PPP2R3A: variants seen among roughly 807,000 people sequenced by gnomAD.
PPP2R3A encodes the protein protein phosphatase 2 regulatory subunit B''alpha, also known as serine/threonine-protein phosphatase 2A regulatory subunit B'' subunit alpha.
Under a neutral mutation model 106.9 loss-of-function variants are expected in PPP2R3A, and 80 were observed. The observed-to-expected ratio is 0.75, with a 90% CI of 0.62 to 0.90. The LOEUF (loss-of-function observed/expected upper bound fraction) is 0.90. PPP2R3A is among the 40% of genes least tolerant of loss of function. The pLI is 0.00. For missense variants in PPP2R3A, 1,386 were observed against 1,350.4 expected (o/e 1.03, Z -0.41); for synonymous variants, 483 against 468.3 (o/e 1.03, Z -0.41).
intron 3 of PPP2R3A, among the ~76,000 whole-genome samples, chr3:136,029,078 C>T (rs532015434): frequency 6.6e-6 from 1 of 152,234 alleles, no homozygotes; most frequent in South Asian, 2.1e-4. Flanking sequence ...GTCTCAAACT[C>T]CCGACCTCAG....
chr3:136,087,299 C>CTCTCTCTCT (rs1576493040), intron 8 of PPP2R3A, among the ~76,000 whole-genome samples: 7 of 147,700 alleles, frequency 4.7e-5, no homozygotes, highest in Non-Finnish European at 8.9e-5. Flanking sequence ...CTCTCTCTCT[C>CTCTCTCTCT]ACCAACATGC....
intron 4 of PPP2R3A, 54 bp downstream of exon 4, chr3:136,041,016 T>C (rs1265906755): frequency 3.4e-6 from 5 of 1,460,056 alleles, no homozygotes; most frequent in South Asian, 1.2e-5. Flanking sequence ...GTGACCCTCA[T>C]GACATGCTTT....
At position 136,145,075 on chromosome 3, in the gene PPP2R3A, C is replaced by A; in HGVS notation, c.3362C>A (p.Ser1121Tyr). The A allele has an allele frequency of 6.2e-7, 1 of 1,613,550 alleles. No individual in the cohort carries two copies. The highest frequency in any genetic ancestry group is 1.1e-5 in the South Asian group (1 of 91,014). Residue 1121 changes from serine to tyrosine, a missense_variant, in exon 14 of 14, where the codon TCT becomes TAT. By Grantham distance (144) the Ser-to-Tyr change is moderately radical. Transcript: ENST00000264977. ...GATTATGAAACAGATGAACCTGCCT[C>A]TCCCTCTGAATTTGGAAACAAAAGC... ...FEDYETDEPA[S>Y]PSEFGNKSNK...
rs756912790 is a variant in PPP2R3A, at chr3:136,002,354, G to A, written c.856G>A (p.Ala286Thr). 5 of 1,613,736 alleles carry A rather than the reference G, an allele frequency of 3.1e-6. No homozygotes were observed. The highest frequency in any genetic ancestry group is 1.1e-5 in the South Asian group (1 of 91,046). ...TVYMNVMTRL[A>T]SYLKKLPFEF... is the part of the protein sequence containing the mutation. ...CTATATGAATGTAATGACCAGGTTAGCATCCTATCTGAAAAAGTTACCATT... is the reference window on the plus strand; with the variant it reads ...CTATATGAATGTAATGACCAGGTTAACATCCTATCTGAAAAAGTTACCATT... The change falls in exon 2 of 14, where the codon GCA becomes ACA. Residue 286 changes from alanine to threonine, a missense_variant. Coordinates refer to ENST00000264977, the MANE Select transcript of PPP2R3A (RefSeq NM_002718.5).
chr3:136,117,541 G>C (rs765335030), intron 13 of PPP2R3A, among the ~76,000 whole-genome samples: 1 of 152,086 alleles, frequency 6.6e-6, no homozygotes, highest in Non-Finnish European at 1.5e-5. Context: ...AAATGATAAA[G>C]GGGATATCAC....
intron 5 of PPP2R3A, among the ~76,000 whole-genome samples, chr3:136,067,618 TC>T (rs1411812750): frequency 9.2e-5 from 14 of 152,100 alleles, no homozygotes; most frequent in Non-Finnish European, 1.5e-4. Context: ...CTTCAGAAGT[TC>T]CTCCATGAGT....
At chr3:135,988,749 C>G (rs1318952016) in intron 1 of PPP2R3A, among the ~76,000 whole-genome samples, 1 of 152,168 alleles carries the variant, frequency 6.6e-6, no homozygotes, top group African/African-American at 2.4e-5. Flanking sequence ...CTATGAATTT[C>G]TCTGCTTCCT....
intron 1 of PPP2R3A, among the ~76,000 whole-genome samples, chr3:135,998,307 T>A (rs1576421806): frequency 6.6e-6 from 1 of 152,250 alleles, no homozygotes; most frequent in East Asian, 1.9e-4. Context: ...TTTTCCTGAC[T>A]CCTCAGTCTG....
At position 136,081,423 on chromosome 3, in the gene PPP2R3A, C is replaced by T. The variant is rs140964825; in HGVS notation, c.2632-842C>T. Among the ~76,000 whole-genome samples the T allele has an allele frequency of 3.1e-4, 47 of 151,852 alleles. No individual in the cohort carries two copies. The East Asian group carries it at 8.1e-3, about 26-fold the overall frequency. ...TTTTTAGATGTATCCCTTATAGATGCATATAGGTAGATCTGTTTTGGGGGC... is the reference window on the plus strand; with the variant it reads ...TTTTTAGATGTATCCCTTATAGATGTATATAGGTAGATCTGTTTTGGGGGC... On this transcript the variant is annotated intron_variant, in intron 7 of 13. Coordinates refer to ENST00000264977, the MANE Select transcript of PPP2R3A (RefSeq NM_002718.5).
intron 1 of PPP2R3A, among the ~76,000 whole-genome samples, chr3:135,970,902 G>A (rs754952598): frequency 3.9e-5 from 6 of 152,134 alleles, no homozygotes; most frequent in Non-Finnish European, 7.3e-5. Context: ...TGTTGAAGGG[G>A]CTGACTCAGA....
chr3:136,048,828 T>A (rs1284109215), intron 4 of PPP2R3A, among the ~76,000 whole-genome samples: 1 of 151,994 alleles, frequency 6.6e-6, no homozygotes, highest in Non-Finnish European at 1.5e-5. Flanking sequence ...GCAAATTTGG[T>A]AGAAATGAAA....
intron 13 of PPP2R3A, among the ~76,000 whole-genome samples, chr3:136,114,928 C>T (rs575332356): frequency 1.6e-4 from 24 of 152,280 alleles, no homozygotes; most frequent in African/African-American, 5.8e-4. Context: ...ACGTTTGAGA[C>T]TGCCTCCTCA....
At chr3:136,080,617 G>C (rs1211499212) in intron 7 of PPP2R3A, among the ~76,000 whole-genome samples, 1 of 152,150 alleles carries the variant, frequency 6.6e-6, no homozygotes, top group African/African-American at 2.4e-5. Context: ...AGTAATATGA[G>C]CAAGTTTGGA....
At chr3:136,070,384 G>C (rs1936389895) in intron 5 of PPP2R3A, 94 bp from the exon 6 acceptor site, 1 of 890,448 alleles carries the variant, frequency 1.1e-6, no homozygotes, top group Non-Finnish European at 1.7e-6. Context: ...AAAATAGCAA[G>C]TTTGCTCAAC....
rs1933326049 is a variant in PPP2R3A at position 135,994,890 on chromosome 3, C to G, written c.-440-6169C>G. Reference sequence around the variant, plus strand: ...TATCTTTCAAAAATCCAGTTCCTCTCCATCCTAACTTATCTGCTGCTTCTA... The same window carrying G: ...TATCTTTCAAAAATCCAGTTCCTCTGCATCCTAACTTATCTGCTGCTTCTA... On this transcript the variant is annotated intron_variant, in intron 1 of 13. Coordinates refer to ENST00000264977, the MANE Select transcript of PPP2R3A (RefSeq NM_002718.5). 2.0e-5 allele frequency among the ~76,000 whole-genome samples: 3 copies of G among 152,300 alleles called. No homozygotes were observed. In the South Asian group the frequency reaches 6.2e-4, roughly 32 times the overall value.
At chr3:136,087,047 C>G (rs1352059143) in intron 8 of PPP2R3A, among the ~76,000 whole-genome samples, 1 of 151,930 alleles carries the variant, frequency 6.6e-6, no homozygotes, top group Non-Finnish European at 1.5e-5. Context: ...AATAAAAATA[C>G]AAAAAAATTA....
intron 13 of PPP2R3A, among the ~76,000 whole-genome samples, chr3:136,137,534 A>T (rs1387265388): frequency 2.1e-3 from 85 of 40,520 alleles, no homozygotes; most frequent in Admixed American, 3.7e-3. Flanking sequence ...TCTGTCAGAG[A>T]TTTTTTTTTT....
At position 136,131,371 on chromosome 3, in the gene PPP2R3A, T is replaced by G. The variant is rs1291799281; in HGVS notation, c.3330-13672T>G. On this transcript the variant is annotated intron_variant, in intron 13 of 13. Coordinates refer to ENST00000264977, the MANE Select transcript of PPP2R3A (RefSeq NM_002718.5). ...GGCAAAGGATATGAACAGACACTTCTCAAAAGAAGACACCTATGCAGCCAA... is the reference window on the plus strand; with the variant it reads ...GGCAAAGGATATGAACAGACACTTCGCAAAAGAAGACACCTATGCAGCCAA... 2.6e-5 allele frequency among the ~76,000 whole-genome samples: 4 copies of G among 152,290 alleles called. No homozygotes were observed. The South Asian group carries it at 8.3e-4, about 32-fold the overall frequency.
At chr3:136,054,253 CTTTTTT>C (rs35801926) in intron 5 of PPP2R3A, among the ~76,000 whole-genome samples, 60 of 80,760 alleles carry the variant, frequency 7.4e-4, no homozygotes, top group African/African-American at 2.9e-3. Context: ...CTTCACAATT[CTTTTTT>C]TTTTTTTTTT....
Sources: allele counts gnomAD v4.1 joint callset (sites outside exome capture counted in the v4.1 genomes callset), GRCh38; gene constraint gnomAD v4.1.1; transcripts MANE v1.5; gene names NCBI Gene and HGNC (gene_info 2026-07-23, HGNC 2026-07-21).